GLDC: variants seen among roughly 807,000 people sequenced by gnomAD.
GLDC encodes glycine decarboxylase, also known as glycine dehydrogenase (decarboxylating), mitochondrial.
A neutral mutation model predicts 121.3 loss-of-function variants in GLDC; 104 were observed. The observed-to-expected ratio is 0.86, with a 90% CI of 0.73 to 1.01. GLDC has a LOEUF of 1.01. GLDC is among the 50% of genes least tolerant of loss of function. The pLI, the probability that GLDC is intolerant of heterozygous loss-of-function variation, is 0.00. For missense variants in GLDC, 1,429 were observed against 1,306.6 expected, an observed-to-expected ratio of 1.09 and a Z score of -1.44; for synonymous variants, 546 against 480.6, an observed-to-expected ratio of 1.14 and a Z score of -1.78.
chr9:6,617,493 C>A (rs1463446956), intron 3 of GLDC, among the ~76,000 whole-genome samples: 2 of 152,080 alleles, frequency 1.3e-5, no homozygotes, highest in South Asian at 2.1e-4. Context: ...GAGAAACAGG[C>A]CATTTTCTTT....
At chr9:6,595,545 A>G (rs1246811082) in intron 8 of GLDC, among the ~76,000 whole-genome samples, 3 of 152,214 alleles carry the variant, frequency 2.0e-5, no homozygotes, top group Non-Finnish European at 4.4e-5. Flanking sequence ...GAAACAAGCA[A>G]TTTTCAAACA....
chr9:6,593,177 A>G, intron 9 of GLDC, 187 bp from the exon 10 acceptor site: 1 of 613,552 alleles, frequency 1.6e-6, no homozygotes, highest in Non-Finnish European at 2.9e-6. Flanking sequence ...TGAAATACAT[A>G]TAAAAGAGTA....
At chr9:6,574,222 C>A (rs1357811047) in intron 15 of GLDC, among the ~76,000 whole-genome samples, 1 of 152,108 alleles carries the variant, frequency 6.6e-6, no homozygotes, top group Non-Finnish European at 1.5e-5. Context: ...AATGCAAATT[C>A]AGGCCAGAAC....
At chr9:6,541,170 G>T (rs779710090) in intron 21 of GLDC, 3 of 152,156 alleles carry the variant, frequency 2.0e-5, no homozygotes, top group Non-Finnish European at 4.4e-5. Flanking sequence ...TCATAAACAG[G>T]CTTCTTCTCT....
intron 16 of GLDC, among the ~76,000 whole-genome samples, chr9:6,563,731 T>C (rs1817801261): frequency 6.6e-6 from 1 of 152,216 alleles, no homozygotes; most frequent in African/African-American, 2.4e-5. Flanking sequence ...TCAGGGTCTG[T>C]GTCTGTCTGG....
Position 6,588,676 on chromosome 9 carries a change from C to G in GLDC, c.1607G>C (p.Arg536Pro). ...NSYHSETNIV[R>P]YMKKLENKDI... ...TTTATTTTCCAGTTTCTTCATGTAC[C>G]GGACAATGTTTGTTTCAGAGTGGTA... The change falls in exon 13 of 25, where the codon CGG (arginine) becomes CCG (proline). Residue 536 changes from arginine (R) to proline (P), a missense_variant. Coordinates refer to ENST00000321612, the MANE Select transcript of GLDC (RefSeq NM_000170.3). 6.2e-7 allele frequency: 1 copy of G among 1,613,042 alleles called. No individual in the cohort carries two copies. The highest frequency in any genetic ancestry group is 8.5e-7 in the Non-Finnish European group (1 of 1,179,128).
At chr9:6,627,441 A>C (rs1456364711) in intron 2 of GLDC, among the ~76,000 whole-genome samples, 5 of 152,134 alleles carry the variant, frequency 3.3e-5, no homozygotes, top group Non-Finnish European at 7.3e-5. Flanking sequence ...CTATAGGACC[A>C]CCCAAACTTC....
chr9:6,549,613 G>C (rs1165582680), intron 21 of GLDC, among the ~76,000 whole-genome samples: 1 of 152,078 alleles, frequency 6.6e-6, no homozygotes, highest in Non-Finnish European at 1.5e-5. Flanking sequence ...CCACTTCCAA[G>C]ACTCAGCTAT....
chr9:6,549,420 G>A (rs1194039174), intron 21 of GLDC, among the ~76,000 whole-genome samples: 1 of 152,186 alleles, frequency 6.6e-6, no homozygotes, highest in Non-Finnish European at 1.5e-5. Flanking sequence ...ACGGCAGCAG[G>A]AGGGCCAGGC....
chr9:6,625,524 A>G (rs1372111211), intron 2 of GLDC, among the ~76,000 whole-genome samples: 2 of 152,206 alleles, frequency 1.3e-5, no homozygotes, highest in Non-Finnish European at 2.9e-5. Context: ...CTTCCAGTGC[A>G]GGACTCTCCT....
chr9:6,639,668 A>AAAAAATATATATATATATATAT lies in GLDC; in HGVS notation c.334+4945_334+4946insATATATATATATATATATTTTT. On this transcript the variant is annotated intron_variant, in intron 2 of 24. Coordinates refer to ENST00000321612, the MANE Select transcript of GLDC (RefSeq NM_000170.3). ...ATATATCTTTTCACCATAAAAAAAA[A>AAAAAATATATATATATATATAT]GTATATATATATATATATATGGACA... is the stretch of plus-strand genomic sequence containing the variant. 437 of 250,442 alleles carry AAAAAATATATATATATATATAT rather than the reference A, an allele frequency of 1.7e-3. 4 individuals are homozygous for AAAAAATATATATATATATATAT. The highest frequency in any genetic ancestry group is 2.1e-3 in the Non-Finnish European group (331 of 155,994). The allele number at this position is 250,442 out of a possible 1,614,324, so 15.5% of individuals were successfully genotyped here. A position where few individuals can be genotyped will look rare whatever the true frequency, so the allele number is the denominator to read the frequency against.
intron 23 of GLDC, among the ~76,000 whole-genome samples, chr9:6,535,229 T>A (rs546264295): frequency 1.3e-5 from 2 of 152,288 alleles, no homozygotes; most frequent in South Asian, 4.1e-4. Context: ...ATTATCCACT[T>A]GTATTATAAC....
chr9:6,551,570 C>G (rs148008276), intron 20 of GLDC, among the ~76,000 whole-genome samples: 1 of 151,988 alleles, frequency 6.6e-6, no homozygotes, highest in African/African-American at 2.4e-5. Context: ...TGAGAGAGCA[C>G]CAAATAAAAC....
chr9:6,579,978 G>A (rs551445533), intron 15 of GLDC, among the ~76,000 whole-genome samples: 1 of 152,270 alleles, frequency 6.6e-6, no homozygotes, highest in South Asian at 2.1e-4. Flanking sequence ...CCTCTGTTGG[G>A]GGCAGTGGGA....
chr9:6,582,024 G>A (rs944481219), intron 15 of GLDC, among the ~76,000 whole-genome samples: 1 of 151,670 alleles, frequency 6.6e-6, no homozygotes, highest in Non-Finnish European at 1.5e-5. Context: ...AGACCAGCCT[G>A]GCCAACATAG....
chr9:6,549,377 G>T (rs1035961075), intron 21 of GLDC, among the ~76,000 whole-genome samples: 1 of 152,026 alleles, frequency 6.6e-6, no homozygotes, highest in African/African-American at 2.4e-5. Flanking sequence ...GCAAGAGGAG[G>T]GAGTGGAGGC....
Position 6,602,218 on chromosome 9 carries a change from T to G in GLDC, c.1059-13A>C, listed in dbSNP as rs774411764. The G allele has an allele frequency of 3.3e-6, 5 of 1,497,318 alleles. No homozygotes were observed. In the Admixed American group the frequency reaches 5.0e-5, roughly 15 times the overall value. The allele number at this position is 1,497,318 out of a possible 1,614,324, so 92.8% of individuals were successfully genotyped here. On this transcript the variant is annotated splice_polypyrimidine_tract_variant and intron_variant, in intron 7 of 24. Coordinates refer to ENST00000321612, the MANE Select transcript of GLDC (RefSeq NM_000170.3). ...CCCAGTGGCATCTCTACACCAAGAATAAGGCATCCAGTTAGCACAGATAAT... is the reference window on the plus strand; with the variant it reads ...CCCAGTGGCATCTCTACACCAAGAAGAAGGCATCCAGTTAGCACAGATAAT...
At chr9:6,556,333 G>T in intron 17 of GLDC, 31 bp from the exon 18 acceptor site, 1 of 1,591,842 alleles carries the variant, frequency 6.3e-7, no homozygotes, top group Non-Finnish European at 8.6e-7. Context: ...AGAAGGACAT[G>T]GAGGGAGGAT....
intron 18 of GLDC, among the ~76,000 whole-genome samples, chr9:6,555,764 C>A (rs754313505): frequency 1.3e-5 from 2 of 152,002 alleles, no homozygotes; most frequent in Non-Finnish European, 2.9e-5. Flanking sequence ...TGCACTCCAG[C>A]CTTGGCGACA....
Sources: allele counts gnomAD v4.1 joint callset (sites outside exome capture counted in the v4.1 genomes callset), GRCh38; gene constraint gnomAD v4.1.1; transcripts MANE v1.5; gene names NCBI Gene and HGNC (gene_info 2026-07-23, HGNC 2026-07-21).